Variants in KRT12 observed in about 807,000 individuals in gnomAD.
The protein encoded by KRT12 is keratin, type I cytoskeletal 12.
A neutral mutation model predicts 50.2 loss-of-function variants in KRT12; 43 were observed. The observed-to-expected ratio is 0.86, with a 90% CI of 0.67 to 1.11. The LOEUF is 1.11. Ranked by LOEUF, KRT12 falls within the 50% of genes least tolerant of loss-of-function variation. The probability of loss-of-function intolerance (pLI) is 0.00; values close to 1 mark genes in which losing one functional copy is unlikely to be tolerated. For synonymous variants in KRT12, 257 were observed against 253.6 expected (o/e 1.01, Z -0.13); for missense variants, 588 against 625.6 (o/e 0.94, Z 0.64).
In KRT12 at chr17:40,862,578, A is replaced by G; in HGVS notation, c.1374T>C (p.Thr458=). Reference sequence around the variant, plus strand: ...GTTTCTGCATACCTTTAGAGGAATCAGTTGACTGTGCTTGTGATTTGGAGT... The same window carrying G: ...GTTTCTGCATACCTTTAGAGGAATCGGTTGACTGTGCTTGTGATTTGGAGT... ...VTDSKSQAQS[T]DSSKDPTKTR... is the part of the protein sequence containing the mutation. The change falls in exon 7 of 8, where the codon ACT becomes ACC. Residue 458 remains threonine, a synonymous_variant. Transcript: ENST00000251643. 1 of 1,612,074 alleles carries G rather than the reference A, an allele frequency of 6.2e-7. No homozygotes were observed. The highest frequency in any genetic ancestry group is 1.1e-5 in the South Asian group (1 of 91,034).
intron 2 of KRT12, among the ~76,000 whole-genome samples, chr17:40,865,670 A>C (rs1291768538): frequency 1.3e-5 from 2 of 152,086 alleles, no homozygotes; most frequent in Non-Finnish European, 2.9e-5. Context: ...TCTACTAAAA[A>C]TACAATAATT....
chr17:40,866,132 G>A (rs763179459), intron 2 of KRT12, 23 bp downstream of exon 2: 12 of 1,575,708 alleles, frequency 7.6e-6, no homozygotes, highest in Non-Finnish European at 9.6e-6. Flanking sequence ...ACACGCCCAT[G>A]ATCTTCAGTT....
At chr17:40,864,484 ACTC>A (rs1906934012) in intron 3 of KRT12, among the ~76,000 whole-genome samples, 1 of 152,152 alleles carries the variant, frequency 6.6e-6, no homozygotes, top group African/African-American at 2.4e-5. Flanking sequence ...CTTTTAAAAT[ACTC>A]AGTCTTTTTA....
chr17:40,863,882 G>A lies in KRT12; in HGVS notation c.808-18C>T. On this transcript the variant is annotated intron_variant, in intron 3 of 7. Coordinates refer to ENST00000251643, the MANE Select transcript of KRT12 (RefSeq NM_000223.4). The surrounding 1 kb of genome is among the most constrained non-coding windows in gnomAD (Gnocchi z 4.2). ...TGGAGCTCCTGGGGACAGCATGTGA[G>A]AGAGAGGGGCACAGGGGTCCATTGT... The A allele has an allele frequency of 1.3e-6, 2 of 1,579,380 alleles. No individual in the cohort carries two copies. Among genetic ancestry groups the A allele is most frequent in the South Asian group, 2.3e-5 (2 of 87,752 alleles).
At position 40,863,430 on chromosome 17, in the gene KRT12, C is replaced by G. The variant is rs79187483; in HGVS notation, c.1095+55G>C. On this transcript the variant is annotated intron_variant, in intron 5 of 7. Coordinates refer to ENST00000251643, the MANE Select transcript of KRT12 (RefSeq NM_000223.4). This position sits in a 1 kb window ranked among gnomAD's most constrained non-coding sequence, Gnocchi z 4.2. ...GCCAACGGCTAATGTAATTTGGATG[C>G]AGCATTTTCTTTGGAAGTCCAAAGG... is the stretch of plus-strand genomic sequence containing the variant. The G allele has an allele frequency of 1.3e-3, 2,118 of 1,614,156 alleles. 2 individuals carry two copies. Among genetic ancestry groups the G allele is most frequent in the Non-Finnish European group, 1.7e-3 (1,994 of 1,179,964 alleles).
chr17:40,863,809 G>A lies in KRT12; in HGVS notation c.863C>T (p.Ala288Val). The part of the protein sequence containing the change: ...GPGEVSVEMD[A>V]APGVDLTRLL... Reference sequence around the variant, plus strand: ...CCTGGTGAGGTCCACTCCGGGGGCAGCGTCCATTTCTACGCTGACCTCGCC... The same window carrying A: ...CCTGGTGAGGTCCACTCCGGGGGCAACGTCCATTTCTACGCTGACCTCGCC... Residue 288 changes from alanine to valine, a missense_variant, in exon 4 of 8, where the codon GCT (alanine) becomes GTT (valine). Physicochemically the swap from Ala to Val is moderately conservative, Grantham distance 64. Coordinates refer to ENST00000251643, the MANE Select transcript of KRT12 (RefSeq NM_000223.4). This position sits in a 1 kb window ranked among gnomAD's most constrained non-coding sequence, Gnocchi z 4.2. 1 of 1,612,286 alleles carries A rather than the reference G, an allele frequency of 6.2e-7. No individual in the cohort carries two copies. Among genetic ancestry groups the A allele is most frequent in the Non-Finnish European group, 8.5e-7 (1 of 1,179,846 alleles).
At position 40,866,254 on chromosome 17, in the gene KRT12, A is replaced by T; in HGVS notation, c.568-17T>A. ...TGAAATGATCTGGCAAAAGAGAGGG[A>T]CACACACAAGATTGAAGCCCTAAAA... is the stretch of plus-strand genomic sequence containing the variant. On this transcript the variant is annotated splice_polypyrimidine_tract_variant and intron_variant, in intron 1 of 7. Coordinates refer to ENST00000251643, the MANE Select transcript of KRT12 (RefSeq NM_000223.4). The T allele has an allele frequency of 6.2e-7, 1 of 1,604,116 alleles. No individual in the cohort carries two copies. The highest frequency in any genetic ancestry group is 1.1e-5 in the South Asian group (1 of 90,822).
At chr17:40,865,307 GTT>G (rs1027215312) in intron 2 of KRT12, among the ~76,000 whole-genome samples, 2 of 152,174 alleles carry the variant, frequency 1.3e-5, no homozygotes, top group Non-Finnish European at 2.9e-5. Context: ...TCTAAAAGCC[GTT>G]GAAAATAAGT....
chr17:40,863,476 C>G lies in KRT12; in HGVS notation c.1095+9G>C, dbSNP rs528402954. The G allele has an allele frequency of 1.4e-5, 22 of 1,614,242 alleles. 1 individual carries two copies. Among genetic ancestry groups the G allele is most frequent in the African/African-American group, 8.0e-5 (6 of 75,062 alleles). ...AAAGGATGCTACGTCTGTTTGCGCA[C>G]GAGCCTACCATGGCGAGCTGGGACT... On this transcript the variant is annotated intron_variant, in intron 5 of 7. Transcript: ENST00000251643. The surrounding 1 kb of genome is among the most constrained non-coding windows in gnomAD (Gnocchi z 4.2).
chr17:40,863,105 C>A lies in KRT12; in HGVS notation c.1316+18G>T, dbSNP rs376613964. 4 of 1,611,928 alleles carry A rather than the reference C, an allele frequency of 2.5e-6. No homozygotes were observed. The highest frequency in any genetic ancestry group is 3.4e-6 in the Non-Finnish European group (4 of 1,178,014). On this transcript the variant is annotated intron_variant, in intron 6 of 7. Coordinates refer to ENST00000251643, the MANE Select transcript of KRT12 (RefSeq NM_000223.4). The surrounding 1 kb of genome is among the most constrained non-coding windows in gnomAD (Gnocchi z 4.2). ...GGTCAGCCCCTGAAGGTGTTTACAGCCTCCGTTGTCTGCTCACCCTTGGGC... is the reference window on the plus strand; with the variant it reads ...GGTCAGCCCCTGAAGGTGTTTACAGACTCCGTTGTCTGCTCACCCTTGGGC...
chr17:40,863,327 T>C lies in KRT12; in HGVS notation c.1112A>G (p.Asp371Gly), dbSNP rs1906876306. The C allele has an allele frequency of 6.2e-7, 1 of 1,613,810 alleles. No homozygotes were observed. The highest frequency in any genetic ancestry group is 8.5e-7 in the Non-Finnish European group (1 of 1,179,942). The change falls in exon 6 of 8, where the codon GAC (aspartate) becomes GGC (glycine). Residue 371 changes from aspartate to glycine, a missense_variant. Transcript: ENST00000251643. This position sits in a 1 kb window ranked among gnomAD's most constrained non-coding sequence, Gnocchi z 4.2. ...ATCGCCCTCGGCTTCGGCCAAGGAG[T>C]CCTCCAGGGATTTCTTCTGCACGTG... Reference protein sequence around the residue: ...SQLAMKKSLEDSLAEAEGDYC... With the variant: ...SQLAMKKSLEGSLAEAEGDYC...
intron 3 of KRT12, 52 bp downstream of exon 3, chr17:40,864,752 TGG>T: frequency 6.5e-7 from 1 of 1,542,104 alleles, no homozygotes; most frequent in South Asian, 1.1e-5. Context: ...TTGTAATTTT[TGG>T]GTCTGGGAGA....
Position 40,861,307 on chromosome 17 carries a change from C to T in KRT12, c.*354G>A. ...CAAGGCATACATTTCACATTATTAC[C>T]ATTCATCTTTTATTACAATTAACTC... On this transcript the variant is annotated 3_prime_UTR_variant, in exon 8 of 8. Coordinates refer to ENST00000251643, the MANE Select transcript of KRT12 (RefSeq NM_000223.4). The T allele has an allele frequency of 3.8e-6, 1 of 260,122 alleles. No individual in the cohort carries two copies. 16.1% of individuals were successfully genotyped at this position (260,122 alleles called of 1,614,324 possible). A position where few individuals can be genotyped will look rare whatever the true frequency, so the allele number is the denominator to read the frequency against.
In KRT12 at chr17:40,861,479, T is replaced by C; in HGVS notation, c.*182A>G. The stretch of plus-strand genomic sequence containing the variant: ...CAAAGACCAACATGACCAAAATGAC[T>C]TGTGACTGAATATTGTTTCAGAAGG... On this transcript the variant is annotated 3_prime_UTR_variant, in exon 8 of 8. Transcript: ENST00000251643. 1.6e-6 allele frequency: 1 copy of C among 617,902 alleles called. No individual in the cohort carries two copies. Among genetic ancestry groups the C allele is most frequent in the Non-Finnish European group, 2.9e-6 (1 of 344,344 alleles). 38.3% of individuals were successfully genotyped at this position (617,902 alleles called of 1,614,324 possible). A position where few individuals can be genotyped will look rare whatever the true frequency, so the allele number is the denominator to read the frequency against.
Position 40,861,594 on chromosome 17 carries a change from G to T in KRT12, c.*67C>A. On this transcript the variant is annotated 3_prime_UTR_variant, in exon 8 of 8. Transcript: ENST00000251643. ...AGTAATACAGCATGTTACTCTGAAA[G>T]GAATAATTTCTACTTGTAAATTTCT... The T allele has an allele frequency of 1.0e-6, 1 of 987,808 alleles. No individual in the cohort carries two copies. Among genetic ancestry groups the T allele is most frequent in the South Asian group, 1.3e-5 (1 of 77,838 alleles). The allele number at this position is 987,808 out of a possible 1,614,324, so 61.2% of individuals were successfully genotyped here. A position where few individuals can be genotyped will look rare whatever the true frequency, so the allele number is the denominator to read the frequency against.
chr17:40,861,697 G>C lies in KRT12; in HGVS notation c.1449C>G (p.Val483=). 2 of 1,613,484 alleles carry C rather than the reference G, an allele frequency of 1.2e-6. No homozygotes were observed. The highest frequency in any genetic ancestry group is 8.5e-7 in the Non-Finnish European group (1 of 1,179,428). Residue 483 remains valine, a synonymous_variant, in exon 8 of 8, where the codon GTC becomes GTG. Coordinates refer to ENST00000251643, the MANE Select transcript of KRT12 (RefSeq NM_000223.4). The part of the protein sequence containing the change: ...VVQEMVNGEV[V]SSQVQEIEEL... ...CTTCAATTTCCTGAACTTGAGATGAGACCACCTCACCATTCACCATCTCCT... is the reference window on the plus strand; with the variant it reads ...CTTCAATTTCCTGAACTTGAGATGACACCACCTCACCATTCACCATCTCCT...
In KRT12 at chr17:40,863,980, A is replaced by ACACACACACACG; in HGVS notation, c.808-117_808-116insCGTGTGTGTGTG. ...CACACACACACACACACACACACAC[A>ACACACACACACG]CACACACACACTTAAAAATTCTATC... is the stretch of plus-strand genomic sequence containing the variant. On this transcript the variant is annotated intron_variant, in intron 3 of 7. Coordinates refer to ENST00000251643, the MANE Select transcript of KRT12 (RefSeq NM_000223.4). This position sits in a 1 kb window ranked among gnomAD's most constrained non-coding sequence, Gnocchi z 4.2. 1.6e-6 allele frequency: 1 copy of ACACACACACACG among 643,538 alleles called. No homozygotes were observed. The allele number at this position is 643,538 out of a possible 1,614,324, so 39.9% of individuals were successfully genotyped here. A position where few individuals can be genotyped will look rare whatever the true frequency, so the allele number is the denominator to read the frequency against.
intron 3 of KRT12, among the ~76,000 whole-genome samples, chr17:40,864,418 A>G (rs1030008995): frequency 6.6e-6 from 1 of 152,202 alleles, no homozygotes; most frequent in African/African-American, 2.4e-5. Context: ...TGCTAAGTAT[A>G]ACCAGTTTCT....
rs58343600 is a variant in KRT12 at position 40,866,760 on chromosome 17, C to G, written c.427G>C (p.Val143Leu). 1 of 1,614,170 alleles carries G rather than the reference C, an allele frequency of 6.2e-7. No individual in the cohort carries two copies. Among genetic ancestry groups the G allele is most frequent in the South Asian group, 1.1e-5 (1 of 91,070 alleles). ...NDRLASYLDK[V>L]RALEEANTEL... ...GTATTAGCCTCTTCTAGAGCTCGCA[C>G]CTTATCCAGGTAGGAAGCTAATCTA... The change falls in exon 1 of 8, where the codon GTG (valine) becomes CTG (leucine). Residue 143 changes from valine to leucine, a missense_variant. Transcript: ENST00000251643.
Sources: gnomAD v4.1 joint callset for allele counts (sites outside exome capture counted in the v4.1 genomes callset) on GRCh38, gnomAD v4.1.1 for gene constraint, Gnocchi (gnomAD v3.1) non-coding constraint, MANE v1.5 for transcripts, NCBI Gene and HGNC (gene_info 2026-07-23, HGNC 2026-07-21) for gene names.